CTIF: variants seen among roughly 807,000 people sequenced by gnomAD.
CTIF encodes the protein CBP80/20-dependent translation initiation factor.
A neutral mutation model predicts 66.0 loss-of-function variants in CTIF; 21 were observed. The observed-to-expected ratio is 0.32, with a 90% confidence interval of 0.23 to 0.46. The LOEUF is 0.46. Among genes scored for constraint, CTIF ranks in the 20% least tolerant of loss-of-function variants. The probability of loss-of-function intolerance (pLI) is 1.00; values close to 1 mark genes in which losing one functional copy is unlikely to be tolerated. For missense variants in CTIF, 739 were observed against 812.7 expected (o/e 0.91, Z 1.10); for synonymous variants, 345 against 326.4 (o/e 1.06, Z -0.62).
At chr18:48,645,692 G>A (rs892573797) in intron 3 of CTIF, among the ~76,000 whole-genome samples, 1 of 152,238 alleles carries the variant, frequency 6.6e-6, no homozygotes, top group Non-Finnish European at 1.5e-5. Context: ...TTCCTGCTGG[G>A]GTGGTGTCAG....
intron 5 of CTIF, among the ~76,000 whole-genome samples, chr18:48,668,675 C>G (rs1164339040): frequency 1.3e-5 from 2 of 152,184 alleles, no homozygotes; most frequent in Non-Finnish European, 2.9e-5. Flanking sequence ...GCTCCTAACT[C>G]TAGGCCTTTG....
intron 9 of CTIF, among the ~76,000 whole-genome samples, chr18:48,778,558 G>C (rs75287238): frequency 0.026 from 4,021 of 152,246 alleles, 171 homozygotes; most frequent in African/African-American, 0.092. Context: ...TGGGCATGTT[G>C]GCAGAAGGGG....
At chr18:48,627,394 G>C (rs762085453) in intron 2 of CTIF, among the ~76,000 whole-genome samples, 7 of 152,124 alleles carry the variant, frequency 4.6e-5, no homozygotes, top group Non-Finnish European at 1.0e-4. Flanking sequence ...GAATGCATGA[G>C]GGAGGCAGGA....
chr18:48,631,861 C>G (rs2090723625), intron 2 of CTIF, among the ~76,000 whole-genome samples: 1 of 152,176 alleles, frequency 6.6e-6, no homozygotes, highest in East Asian at 1.9e-4. Flanking sequence ...AAGCTGTAAG[C>G]CTGTTTGCCT....
At chr18:48,784,863 A>C (rs1911565537) in intron 9 of CTIF, among the ~76,000 whole-genome samples, 1 of 152,236 alleles carries the variant, frequency 6.6e-6, no homozygotes, top group Admixed American at 6.5e-5. Context: ...ATGCACGTGT[A>C]CATGTGAATA....
chr18:48,544,661 G>A (rs2088702863), intron 1 of CTIF, among the ~76,000 whole-genome samples: 8 of 152,222 alleles, frequency 5.3e-5, no homozygotes, highest in Admixed American at 5.2e-4. Context: ...GTGAATTTGG[G>A]AGTAGGCCTG....
chr18:48,561,275 G>A (rs2089156474), intron 1 of CTIF, among the ~76,000 whole-genome samples: 1 of 147,252 alleles, frequency 6.8e-6, no homozygotes, highest in South Asian at 2.2e-4. Flanking sequence ...ATAAAAACTT[G>A]CTTGTATCAT....
chr18:48,813,596 G>A (rs369050959), intron 9 of CTIF, among the ~76,000 whole-genome samples: 21 of 152,318 alleles, frequency 1.4e-4, no homozygotes, highest in African/African-American at 5.1e-4. Context: ...GTGGCTTCAT[G>A]AGCTCATCTC....
chr18:48,612,253 G>A (rs144935209), intron 1 of CTIF, among the ~76,000 whole-genome samples: 131 of 152,338 alleles, frequency 8.6e-4, no homozygotes, highest in African/African-American at 3.1e-3. Context: ...CTGGAGGGAC[G>A]CGGTTGGCAG....
chr18:48,609,719 G>T (rs1163354341), intron 1 of CTIF, among the ~76,000 whole-genome samples: 1 of 152,228 alleles, frequency 6.6e-6, no homozygotes, highest in Non-Finnish European at 1.5e-5. Flanking sequence ...CTGTCCAGCT[G>T]TCTGGTGGCC....
At chr18:48,666,572 A>T (rs1281463310) in intron 5 of CTIF, among the ~76,000 whole-genome samples, 4 of 152,206 alleles carry the variant, frequency 2.6e-5, no homozygotes, top group African/African-American at 9.7e-5. Flanking sequence ...GGAGAGGCCC[A>T]TCACTTGCAT....
At chr18:48,544,811 C>T (rs1308643251) in intron 1 of CTIF, among the ~76,000 whole-genome samples, 3 of 152,200 alleles carry the variant, frequency 2.0e-5, no homozygotes, top group Non-Finnish European at 2.9e-5. Context: ...CAGTAGTTGT[C>T]GGGCTGCTTT....
chr18:48,757,891 T>G, intron 7 of CTIF, 28 bp from the exon 8 acceptor site: 1 of 1,594,424 alleles, frequency 6.3e-7, no homozygotes, highest in Non-Finnish European at 8.6e-7. Flanking sequence ...AGTGATCGCC[T>G]TCTCTGTCTT....
chr18:48,796,995 A>G (rs148836912), intron 9 of CTIF, among the ~76,000 whole-genome samples: 379 of 152,318 alleles, frequency 2.5e-3, no homozygotes, highest in Non-Finnish European at 4.4e-3. Flanking sequence ...CATGTCAGCC[A>G]TCTGCAGCAC....
At chr18:48,831,096 C>T (rs1409472842) in intron 10 of CTIF, among the ~76,000 whole-genome samples, 1 of 152,212 alleles carries the variant, frequency 6.6e-6, no homozygotes, top group Non-Finnish European at 1.5e-5. Flanking sequence ...TGTGAGTGAG[C>T]AGAGTGGGGC....
intron 1 of CTIF, among the ~76,000 whole-genome samples, chr18:48,591,885 C>T (rs965079326): frequency 2.6e-5 from 4 of 152,338 alleles, no homozygotes; most frequent in Non-Finnish European, 5.9e-5. Flanking sequence ...GCAGCTGGTA[C>T]TGCAGGCATG....
intron 3 of CTIF, chr18:48,662,611 C>T (rs299746): frequency 0.88 from 132,824 of 150,864 alleles, 59,037 homozygotes; most frequent in East Asian, 1. Context: ...GTCCAGCCTT[C>T]CCGGTTTTTG....
chr18:48,647,302 A>G (rs956977014), intron 3 of CTIF, among the ~76,000 whole-genome samples: 2 of 152,182 alleles, frequency 1.3e-5, no homozygotes, highest in African/African-American at 4.8e-5. Flanking sequence ...GGGAAGGGGT[A>G]GGGGCAGGAG....
Position 48,710,350 on chromosome 18 carries a change from G to A in CTIF, c.508-1269G>A, listed in dbSNP as rs189768206. ...TCATCCAGCGCATGCTCAGGTCGCT[G>A]CAGGTGGGTGGGAGTCACACTCAGG... On this transcript the variant is annotated intron_variant, in intron 6 of 11. Coordinates refer to ENST00000256413, the MANE Select transcript of CTIF (RefSeq NM_014772.3). 1.2e-3 allele frequency among the ~76,000 whole-genome samples: 176 copies of A among 152,332 alleles called. 1 individual carries two copies. Among genetic ancestry groups the A allele is most frequent in the African/African-American group, 3.6e-3 (149 of 41,572 alleles).
Sources: allele counts gnomAD v4.1 joint callset (sites outside exome capture counted in the v4.1 genomes callset), GRCh38; gene constraint gnomAD v4.1.1; transcripts MANE v1.5; gene names NCBI Gene and HGNC (gene_info 2026-07-23, HGNC 2026-07-21).